The following C3orf70 variants were observed in gnomAD, a reference collection of about 807,000 sequenced individuals.
The protein encoded by C3orf70 is UPF0524 protein C3orf70.
A neutral mutation model predicts 20.7 loss-of-function variants in C3orf70; 15 were observed. The observed-to-expected ratio is 0.72, with a 90% CI of 0.48 to 1.11. The LOEUF is 1.11. Among genes scored for constraint, C3orf70 ranks in the 50% most tolerant of loss-of-function variants. The pLI, the probability that C3orf70 is intolerant of heterozygous loss-of-function variation, is 0.00. For synonymous variants in C3orf70, 161 were observed against 125.7 expected (o/e 1.28, Z -1.88); for missense variants, 332 against 317.6 (o/e 1.05, Z -0.34).
intron 1 of C3orf70, among the ~76,000 whole-genome samples, chr3:185,128,543 A>C (rs1716462076): frequency 6.6e-6 from 1 of 151,836 alleles, no homozygotes; most frequent in African/African-American, 2.4e-5. Flanking sequence ...AAAAAAAACA[A>C]CAAAACCCAC....
At chr3:185,122,709 T>C (rs915512757) in intron 1 of C3orf70, among the ~76,000 whole-genome samples, 1 of 152,100 alleles carries the variant, frequency 6.6e-6, no homozygotes, top group Non-Finnish European at 1.5e-5. Context: ...AAGAGGTTAG[T>C]GTGTGAGTCT....
intron 1 of C3orf70, among the ~76,000 whole-genome samples, chr3:185,131,710 T>C (rs886332998): frequency 1.3e-5 from 2 of 152,194 alleles, no homozygotes; most frequent in Non-Finnish European, 2.9e-5. Flanking sequence ...CAAGTAAAAG[T>C]AGAAATTCAG....
chr3:185,093,962 C>T (rs868199386), intron 1 of C3orf70, among the ~76,000 whole-genome samples: 4 of 151,820 alleles, frequency 2.6e-5, no homozygotes, highest in Admixed American at 2.0e-4. Flanking sequence ...CTCATATAAA[C>T]GGCATGGTAT....
At chr3:185,104,754 T>C (rs1715890904) in intron 1 of C3orf70, among the ~76,000 whole-genome samples, 1 of 151,968 alleles carries the variant, frequency 6.6e-6, no homozygotes, top group Admixed American at 6.6e-5. Context: ...ATGTTCTTAG[T>C]GGAAGTGAAA....
chr3:185,118,672 A>C lies in C3orf70; in HGVS notation c.196+33956T>G, dbSNP rs180773652. Among the ~76,000 whole-genome samples, 4 of 152,356 alleles carry C rather than the reference A, an allele frequency of 2.6e-5. No homozygotes were observed. In the East Asian group the frequency reaches 7.7e-4, roughly 29 times the overall value. ...TTTCAGAAAAGACAATAACCTAAAA[A>C]AAATTGCATACTTTTTTTAAACTAC... On this transcript the variant is annotated intron_variant, in intron 1 of 1. Transcript: ENST00000335012.
intron 1 of C3orf70, among the ~76,000 whole-genome samples, chr3:185,100,886 C>A (rs1029594183): frequency 1.3e-5 from 2 of 152,010 alleles, no homozygotes; most frequent in African/African-American, 2.4e-5. Context: ...ATACAAATAA[C>A]CATCAGAGAA....
intron 1 of C3orf70, among the ~76,000 whole-genome samples, chr3:185,111,056 C>G (rs995450459): frequency 6.6e-6 from 1 of 151,816 alleles, no homozygotes; most frequent in African/African-American, 2.4e-5. Flanking sequence ...GGCACACATG[C>G]AAAAGAAAGA....
intron 1 of C3orf70, among the ~76,000 whole-genome samples, chr3:185,123,057 A>C (rs1316862432): frequency 6.6e-6 from 1 of 151,636 alleles, no homozygotes; most frequent in Non-Finnish European, 1.5e-5. Context: ...ACACACCTGT[A>C]GTCCCAACTA....
intron 1 of C3orf70, among the ~76,000 whole-genome samples, chr3:185,120,035 A>AAAAAAGAAAAAG (rs1716264795): frequency 4.7e-5 from 7 of 149,168 alleles, no homozygotes; most frequent in Non-Finnish European, 8.9e-5. Context: ...AAAAAAAAAA[A>AAAAAAGAAAAAG]AAAGAAAAAG....
At chr3:185,112,487 G>C (rs962029153) in intron 1 of C3orf70, among the ~76,000 whole-genome samples, 2 of 152,010 alleles carry the variant, frequency 1.3e-5, no homozygotes, top group African/African-American at 4.8e-5. Flanking sequence ...ATAATTCCAC[G>C]ATTTTCAAAT....
At chr3:185,151,997 A>G (rs1281484990) in intron 1 of C3orf70, among the ~76,000 whole-genome samples, 2 of 152,230 alleles carry the variant, frequency 1.3e-5, no homozygotes, top group Non-Finnish European at 2.9e-5. Flanking sequence ...TTGTAATTTT[A>G]TAAGTCTCAT....
At chr3:185,089,683 A>G (rs957669273) in intron 1 of C3orf70, among the ~76,000 whole-genome samples, 1 of 152,222 alleles carries the variant, frequency 6.6e-6, no homozygotes, top group African/African-American at 2.4e-5. Flanking sequence ...TCATTAACTT[A>G]TCTTTAATCT....
At position 185,081,351 on chromosome 3, in the gene C3orf70, T is replaced by C. The variant is rs1361250575; in HGVS notation, c.*1656A>G. On this transcript the variant is annotated 3_prime_UTR_variant, in exon 2 of 2. Transcript: ENST00000335012. ...ATCGCTTGACCCCAGGAGGCAGAGG[T>C]TGTAGAGAGCCAAGATCACGCCGCT... The C allele has an allele frequency of 6.6e-6, 1 of 151,376 alleles. No homozygotes were observed. 9.4% of individuals were successfully genotyped at this position (151,376 alleles called of 1,614,324 possible).
intron 1 of C3orf70, among the ~76,000 whole-genome samples, chr3:185,100,008 T>C (rs1480560349): frequency 6.6e-6 from 1 of 152,178 alleles, no homozygotes; most frequent in Non-Finnish European, 1.5e-5. Flanking sequence ...GACGTAACTA[T>C]CCTAAATGTA....
intron 1 of C3orf70, among the ~76,000 whole-genome samples, chr3:185,138,842 G>C (rs1444277330): frequency 6.6e-6 from 1 of 152,210 alleles, no homozygotes; most frequent in Non-Finnish European, 1.5e-5. Context: ...GCTCACACCT[G>C]TAATCCCAAC....
At position 185,152,981 on chromosome 3, in the gene C3orf70, G is replaced by C. The variant is rs1469808617; in HGVS notation, c.-158C>G. On this transcript the variant is annotated 5_prime_UTR_variant, in exon 1 of 2. Transcript: ENST00000335012. ...GCGGGAGCGCGGCGGTCCCAGGCTC[G>C]AGGAGGAGCCGCCCCGGGCGCTGCG... The C allele has an allele frequency of 4.0e-6, 2 of 498,910 alleles. No homozygotes were observed. The highest frequency in any genetic ancestry group is 4.8e-5 in the Admixed American group (1 of 20,628). The allele number at this position is 498,910 out of a possible 1,614,324, so 30.9% of individuals were successfully genotyped here.
chr3:185,119,307 C>T (rs528949882), intron 1 of C3orf70, among the ~76,000 whole-genome samples: 5 of 152,224 alleles, frequency 3.3e-5, no homozygotes, highest in Non-Finnish European at 7.4e-5. Flanking sequence ...ACTTAAAGTA[C>T]AGCACGGTGA....
chr3:185,088,037 G>A (rs1328010441), intron 1 of C3orf70, among the ~76,000 whole-genome samples: 3 of 151,426 alleles, frequency 2.0e-5, no homozygotes, highest in African/African-American at 7.3e-5. Context: ...TCAGCCTCCC[G>A]AGTAGCTGGG....
intron 1 of C3orf70, among the ~76,000 whole-genome samples, chr3:185,130,547 C>T (rs546782621): frequency 1.1e-3 from 165 of 152,314 alleles, no homozygotes; most frequent in African/African-American, 3.8e-3. Flanking sequence ...ACAAATACCA[C>T]TACCATCTAC....
Sources: gnomAD v4.1 joint callset for allele counts (sites outside exome capture counted in the v4.1 genomes callset) on GRCh38, gnomAD v4.1.1 for gene constraint, MANE v1.5 for transcripts, NCBI Gene and HGNC (gene_info 2026-07-23, HGNC 2026-07-21) for gene names.